The following APC variants were observed in gnomAD, a reference collection of about 807,000 sequenced individuals.
APC encodes the protein adenomatous polyposis coli protein.
In APC, 72 loss-of-function variants were observed where a neutral mutation model predicts 247.0. The ratio of observed to expected loss-of-function variants is 0.29; its 90% confidence interval spans 0.24 to 0.35. The LOEUF (loss-of-function observed/expected upper bound fraction) is 0.35, where lower values mean the gene tolerates loss of function less well. Ranked by LOEUF, APC falls within the 10% of genes least tolerant of loss-of-function variation. The pLI is 1.00. For missense variants in APC, 3,400 were observed against 3,360.7 expected (o/e 1.01, Z -0.29); for synonymous variants, 1,254 against 1,162.5 (o/e 1.08, Z -1.60).
intron 11 of APC, among the ~76,000 whole-genome samples, chr5:112,826,604 A>C (rs1220394658): frequency 6.6e-6 from 1 of 151,298 alleles, no homozygotes; most frequent in Admixed American, 6.6e-5. Context: ...AAAAAAAACA[A>C]AACTTTTTAG....
chr5:112,778,723 T>C (rs909387927), intron 5 of APC, among the ~76,000 whole-genome samples: 1 of 152,068 alleles, frequency 6.6e-6, no homozygotes, highest in Non-Finnish European at 1.5e-5. Flanking sequence ...TTTTGTACTT[T>C]TAGTAGAGAC....
At chr5:112,827,907 C>G (rs772122355) in intron 12 of APC, 22 bp from the exon 13 acceptor site, 13 of 1,599,442 alleles carry the variant, frequency 8.1e-6, no homozygotes, top group Non-Finnish European at 1.1e-5. Context: ...TAATGATCCT[C>G]TATTCTGTAT....
In APC at chr5:112,842,384, G is replaced by T. The variant is rs755904252; in HGVS notation, c.6790G>T (p.Gly2264Cys). ...TCCAGCCTCCAAAAGCCCTAGTGAA[G>T]GTCAAACAGCCACCACTTCTCCTAG... ...KTPASKSPSE[G>C]QTATTSPRGA... Residue 2264 changes from glycine (G) to cysteine (C), a missense_variant, in exon 16 of 16, where the codon GGT becomes TGT. By Grantham distance (159) the Gly-to-Cys change is radical (BLOSUM62 -3). Coordinates refer to ENST00000257430, the MANE Select transcript of APC (RefSeq NM_000038.6). 4 of 1,614,062 alleles carry T rather than the reference G, an allele frequency of 2.5e-6. No individual in the cohort carries two copies. The Admixed American group carries it at 6.7e-5, about 27-fold the overall frequency.
intron 2 of APC, among the ~76,000 whole-genome samples, chr5:112,761,028 C>T (rs1261295978): frequency 5.3e-5 from 8 of 152,104 alleles, no homozygotes; most frequent in African/African-American, 7.2e-5. Flanking sequence ...CCAGGATGGT[C>T]TTGATCTCCT....
intron 6 of APC, among the ~76,000 whole-genome samples, chr5:112,787,665 G>C (rs1476748721): frequency 6.6e-6 from 1 of 152,106 alleles, no homozygotes; most frequent in South Asian, 2.1e-4. Flanking sequence ...TTGTTTGAGA[G>C]ATGTTTTAAT....
intron 4 of APC, among the ~76,000 whole-genome samples, chr5:112,774,903 C>G (rs1757451142): frequency 6.6e-6 from 1 of 152,136 alleles, no homozygotes; most frequent in Non-Finnish European, 1.5e-5. Context: ...TAGAATAGCT[C>G]TAGAAGTATA....
At chr5:112,751,881 T>A (rs543611013) in intron 1 of APC, among the ~76,000 whole-genome samples, 1 of 152,056 alleles carries the variant, frequency 6.6e-6, no homozygotes, top group Admixed American at 6.5e-5. Flanking sequence ...TTGGGGTTGA[T>A]AGATCATGTT....
intron 1 of APC, among the ~76,000 whole-genome samples, chr5:112,715,405 G>A (rs1751109571): frequency 6.6e-6 from 1 of 152,082 alleles, no homozygotes; most frequent in African/African-American, 2.4e-5. Context: ...AGGGGACAGG[G>A]GATACTACTT....
chr5:112,812,910 A>G (rs1408598547), intron 8 of APC, among the ~76,000 whole-genome samples: 1 of 152,180 alleles, frequency 6.6e-6, no homozygotes, highest in Admixed American at 6.5e-5. Flanking sequence ...ATGTAAGATG[A>G]GTCTTTCCTT....
intron 5 of APC, among the ~76,000 whole-genome samples, chr5:112,776,160 A>G (rs1283234717): frequency 6.6e-6 from 1 of 152,248 alleles, no homozygotes; most frequent in African/African-American, 2.4e-5. Flanking sequence ...CTAGATATAA[A>G]TGCCAATAGC....
chr5:112,728,194 C>G (rs889741829), intron 1 of APC, among the ~76,000 whole-genome samples: 1 of 151,948 alleles, frequency 6.6e-6, no homozygotes, highest in Non-Finnish European at 1.5e-5. Flanking sequence ...GTGTTGTGAT[C>G]TCAGCTCACT....
In APC at chr5:112,838,800, G is replaced by C. The variant is rs2149886840; in HGVS notation, c.3206G>C (p.Arg1069Thr). 6.2e-7 allele frequency: 1 copy of C among 1,614,100 alleles called. No individual in the cohort carries two copies. Among genetic ancestry groups the C allele is most frequent in the Non-Finnish European group, 8.5e-7 (1 of 1,180,020 alleles). The change falls in exon 16 of 16, where the codon AGG becomes ACG. Residue 1069 changes from arginine to threonine, a missense_variant. Coordinates refer to ENST00000257430, the MANE Select transcript of APC (RefSeq NM_000038.6). The stretch of plus-strand genomic sequence containing the variant: ...AAACAAAGTGAGCAAAGACAATCAA[G>C]GAATCAAAGTACAACTTATCCTGTT... ...EIKQSEQRQS[R>T]NQSTTYPVYT...
intron 4 of APC, among the ~76,000 whole-genome samples, chr5:112,771,916 G>C (rs1365118223): frequency 6.6e-6 from 1 of 151,994 alleles, no homozygotes; most frequent in Non-Finnish European, 1.5e-5. Context: ...TTATAAGCTG[G>C]GTTTTGAACC....
intron 1 of APC, among the ~76,000 whole-genome samples, chr5:112,750,329 A>G (rs1160785650): frequency 6.6e-6 from 1 of 152,186 alleles, no homozygotes; most frequent in African/African-American, 2.4e-5. Context: ...ACCAGACACC[A>G]TACCTTGATT....
chr5:112,736,952 A>C (rs1752429705), upstream of APC, among the ~76,000 whole-genome samples: 1 of 152,116 alleles, frequency 6.6e-6, no homozygotes, highest in South Asian at 2.1e-4. Flanking sequence ...TATCCTTTTA[A>C]ATTTTAAATA....
rs544964903 is a variant in APC, at chr5:112,816,931, C to T, written c.933+1338C>T. On this transcript the variant is annotated intron_variant, in intron 9 of 15. Coordinates refer to ENST00000257430, the MANE Select transcript of APC (RefSeq NM_000038.6). ...TTGCCCAGGCTGTAGTGCAGTGGCA[C>T]GATCTTGGCTCACTGCAACCCCCAC... 3.0e-4 allele frequency among the ~76,000 whole-genome samples: 46 copies of T among 151,858 alleles called. 1 individual carries two copies. The highest frequency in any genetic ancestry group is 2.9e-3 in the Admixed American group (44 of 15,258).
intron 4 of APC, among the ~76,000 whole-genome samples, chr5:112,769,764 C>T (rs1444520016): frequency 1.3e-5 from 2 of 152,136 alleles, no homozygotes; most frequent in Non-Finnish European, 2.9e-5. Context: ...AAATGCCCAG[C>T]ATATCTCCCT....
rs546577421 is a variant in APC, at chr5:112,795,903, A to G, written c.729+3374A>G. On this transcript the variant is annotated intron_variant, in intron 7 of 15. Transcript: ENST00000257430. ...AACTACAGAGTAAAGATGAAGGGAC[A>G]TCCTGAGATAAATGGTAAAGAAAGC... 6.6e-5 allele frequency among the ~76,000 whole-genome samples: 10 copies of G among 152,332 alleles called. No homozygotes were observed. The East Asian group carries it at 1.9e-3, about 29-fold the overall frequency.
At chr5:112,779,369 A>G (rs145723325) in intron 5 of APC, among the ~76,000 whole-genome samples, 125 of 152,330 alleles carry the variant, frequency 8.2e-4, no homozygotes, top group Admixed American at 1.9e-3. Context: ...ACAACTCAAG[A>G]GTATTTGGTT....
Sources: gnomAD v4.1 joint callset for allele counts (sites outside exome capture counted in the v4.1 genomes callset) on GRCh38, gnomAD v4.1.1 for gene constraint, MANE v1.5 for transcripts, NCBI Gene and HGNC (gene_info 2026-07-23, HGNC 2026-07-21) for gene names.